The following ATG4C variants were observed in gnomAD, a reference collection of about 807,000 sequenced individuals.
The protein encoded by ATG4C is cysteine protease ATG4C.
Under a neutral mutation model 57.6 loss-of-function variants are expected in ATG4C, and 56 were observed. The observed-to-expected ratio is 0.97, with a 90% CI of 0.78 to 1.21. The LOEUF (loss-of-function observed/expected upper bound fraction) is 1.21. Among genes scored for constraint, ATG4C ranks in the 50% most tolerant of loss-of-function variants. The pLI is 0.00. For synonymous variants in ATG4C, 157 were observed against 174.1 expected (o/e 0.90, Z 0.78); for missense variants, 595 against 529.8 (o/e 1.12, Z -1.21).
At chr1:62,812,573 C>G (rs1557968643) in intron 3 of ATG4C, among the ~76,000 whole-genome samples, 1 of 152,158 alleles carries the variant, frequency 6.6e-6, no homozygotes, top group Non-Finnish European at 1.5e-5. Context: ...GACAAGGATG[C>G]CCTATCTCAC....
At chr1:62,795,834 T>TAAA (rs112840341) in intron 1 of ATG4C, among the ~76,000 whole-genome samples, 11 of 139,700 alleles carry the variant, frequency 7.9e-5, no homozygotes, top group African/African-American at 2.9e-4. Flanking sequence ...CCTTTTTACT[T>TAAA]AAAAAAAAAA....
Position 62,803,862 on chromosome 1 carries a change from A to AG in ATG4C, c.76+1dup. On this transcript the variant is annotated frameshift_variant and splice_region_variant. Coordinates refer to ENST00000317868, the MANE Select transcript of ATG4C (RefSeq NM_032852.4). LOFTEE classifies it high-confidence loss of function. The stretch of plus-strand genomic sequence containing the variant: ...ATCTGCTTGGAACAACATGAAATAT[A>AG]GTAAGTATCATGTTTTAAAAATTGT... 6.5e-6 allele frequency: 10 copies of AG among 1,545,332 alleles called. No individual in the cohort carries two copies. The highest frequency in any genetic ancestry group is 8.9e-6 in the Non-Finnish European group (10 of 1,127,554).
chr1:62,844,668 A>G (rs1272111323), intron 10 of ATG4C, among the ~76,000 whole-genome samples: 4 of 152,116 alleles, frequency 2.6e-5, no homozygotes, highest in Non-Finnish European at 5.9e-5. Context: ...AGTTATATAT[A>G]TAATTAATAA....
At chr1:62,824,804 A>G (rs1665594782) in intron 6 of ATG4C, among the ~76,000 whole-genome samples, 1 of 151,894 alleles carries the variant, frequency 6.6e-6, no homozygotes, top group African/African-American at 2.4e-5. Context: ...AGTAACTAGC[A>G]TTAAAGGCAT....
At chr1:62,860,832 A>G (rs1243623771) in intron 10 of ATG4C, among the ~76,000 whole-genome samples, 1 of 152,200 alleles carries the variant, frequency 6.6e-6, no homozygotes, top group Non-Finnish European at 1.5e-5. Context: ...TTTTACATAT[A>G]TGGTGGCAGG....
intron 1 of ATG4C, among the ~76,000 whole-genome samples, chr1:62,800,867 A>G (rs1260735232): frequency 1.3e-5 from 2 of 152,178 alleles, no homozygotes; most frequent in African/African-American, 4.8e-5. Context: ...GAACTAAGAG[A>G]AGGATACCTA....
chr1:62,798,550 A>G (rs72917236), intron 1 of ATG4C, among the ~76,000 whole-genome samples: 5,860 of 152,204 alleles, frequency 0.039, 384 homozygotes, highest in African/African-American at 0.13. Context: ...AAGTGTCTCA[A>G]TTTGTGATAC....
intron 1 of ATG4C, among the ~76,000 whole-genome samples, chr1:62,794,728 A>G (rs1447848560): frequency 6.6e-6 from 1 of 152,196 alleles, no homozygotes; most frequent in South Asian, 2.1e-4. Flanking sequence ...AGAATTTACA[A>G]ACTGACCATT....
chr1:62,826,516 G>A (rs556774844), intron 6 of ATG4C, among the ~76,000 whole-genome samples: 7 of 152,058 alleles, frequency 4.6e-5, no homozygotes, highest in East Asian at 3.9e-4. Flanking sequence ...GATTACAGGC[G>A]TGAGCTACCA....
Position 62,864,886 on chromosome 1 carries a change from A to G in ATG4C, c.*727A>G, listed in dbSNP as rs2100375132. ...AAAATAGTAGTAGTGTTTGTTTCCT[A>G]TCTCAAGGGCGAAATTTTATGGGAA... On this transcript the variant is annotated 3_prime_UTR_variant, in exon 11 of 11. Transcript: ENST00000317868. The G allele has an allele frequency of 6.6e-6, 1 of 152,050 alleles. No individual in the cohort carries two copies. The highest frequency in any genetic ancestry group is 2.1e-4 in the South Asian group (1 of 4,830). The allele number at this position is 152,050 out of a possible 1,614,324, so 9.4% of individuals were successfully genotyped here. A position where few individuals can be genotyped will look rare whatever the true frequency, so the allele number is the denominator to read the frequency against.
At chr1:62,843,826 T>G (rs953997558) in intron 10 of ATG4C, among the ~76,000 whole-genome samples, 9 of 152,074 alleles carry the variant, frequency 5.9e-5, no homozygotes, top group Admixed American at 3.9e-4. Context: ...TATACTTCAG[T>G]AGGGGAAATA....
chr1:62,789,757 G>C (rs537438057), intron 1 of ATG4C, among the ~76,000 whole-genome samples: 2 of 152,152 alleles, frequency 1.3e-5, no homozygotes, highest in East Asian at 2.0e-4. Context: ...GCGGAGCTTG[G>C]AGTGATCCGA....
intron 5 of ATG4C, 127 bp downstream of exon 5, chr1:62,819,462 C>T (rs999674736): frequency 2.6e-5 from 18 of 687,112 alleles, no homozygotes; most frequent in African/African-American, 3.7e-5. Flanking sequence ...TTGATAAAGA[C>T]GCTTTCATTT....
chr1:62,804,534 C>T (rs1210645112), intron 2 of ATG4C, among the ~76,000 whole-genome samples: 2 of 152,008 alleles, frequency 1.3e-5, no homozygotes, highest in Non-Finnish European at 2.9e-5. Flanking sequence ...CAGGCAGCCT[C>T]ATCTCTGTGC....
intron 6 of ATG4C, among the ~76,000 whole-genome samples, chr1:62,822,925 T>A (rs1665527999): frequency 6.6e-6 from 1 of 152,032 alleles, no homozygotes; most frequent in African/African-American, 2.4e-5. Flanking sequence ...CAGGCCGAGG[T>A]CGGGGGATCA....
Position 62,816,787 on chromosome 1 carries a change from A to G in ATG4C, c.373A>G (p.Ile125Val). Residue 125 changes from isoleucine to valine, a missense_variant, in exon 4 of 11, where the codon ATA becomes GTA. Ile to Val is a conservative substitution (Grantham distance 29). Transcript: ENST00000317868. ...TGQMLLAQGL[I>V]LHFLGRAWTW... ...CCAGATGCTCTTGGCTCAAGGACTC[A>G]TACTACACTTTCTTGGTAGAGGTAA... is the stretch of plus-strand genomic sequence containing the variant. 1 of 1,578,328 alleles carries G rather than the reference A, an allele frequency of 6.3e-7. No individual in the cohort carries two copies. The highest frequency in any genetic ancestry group is 8.6e-7 in the Non-Finnish European group (1 of 1,161,866).
intron 10 of ATG4C, 102 bp downstream of exon 10, chr1:62,841,649 C>A: frequency 1.0e-6 from 1 of 996,674 alleles, no homozygotes; most frequent in Non-Finnish European, 1.4e-6. Context: ...TATAAAATTT[C>A]CTCTTGAATG....
chr1:62,795,143 G>A (rs577076132), intron 1 of ATG4C, among the ~76,000 whole-genome samples: 1 of 152,202 alleles, frequency 6.6e-6, no homozygotes, highest in Non-Finnish European at 1.5e-5. Flanking sequence ...ATGTGACTGA[G>A]ATGTATTCCA....
At chr1:62,815,852 T>G (rs1308364636) in intron 3 of ATG4C, among the ~76,000 whole-genome samples, 1 of 151,740 alleles carries the variant, frequency 6.6e-6, no homozygotes, top group Non-Finnish European at 1.5e-5. Flanking sequence ...GCCTGGTTAA[T>G]TTTTGTATTT....
Sources: gnomAD v4.1 joint callset for allele counts (sites outside exome capture counted in the v4.1 genomes callset) on GRCh38, gnomAD v4.1.1 for gene constraint, MANE v1.5 for transcripts, NCBI Gene and HGNC (gene_info 2026-07-23, HGNC 2026-07-21) for gene names.